ADARB1: variants seen among roughly 807,000 people sequenced by gnomAD.
ADARB1 encodes adenosine deaminase RNA specific B1.
In ADARB1, 10 loss-of-function variants were observed where a neutral mutation model predicts 52.4. The observed-to-expected ratio is 0.19, with a 90% CI of 0.12 to 0.32. The LOEUF is 0.32. ADARB1 is among the 10% of genes least tolerant of loss of function. ADARB1 has a pLI of 1.00. For missense variants in ADARB1, 643 were observed against 922.3 expected (o/e 0.70, Z 3.92); for synonymous variants, 349 against 371.1 (o/e 0.94, Z 0.68).
intron 2 of ADARB1, chr21:45,144,532 C>T (rs994335634): frequency 2.6e-5 from 9 of 343,060 alleles, no homozygotes; most frequent in African/African-American, 1.9e-4. Flanking sequence ...TCATAGAAAC[C>T]ATACCTGATA....
chr21:45,097,908 A>T (rs1304266992), intron 1 of ADARB1, among the ~76,000 whole-genome samples: 2 of 152,112 alleles, frequency 1.3e-5, no homozygotes, highest in Non-Finnish European at 2.9e-5. Context: ...CTCCCCACTG[A>T]TGTCACACAG....
chr21:45,134,637 A>G (rs1421333454), intron 2 of ADARB1: 7 of 415,274 alleles, frequency 1.7e-5, no homozygotes, highest in African/African-American at 1.5e-4. Context: ...AATCCTACAG[A>G]TCCCTATGGA....
At chr21:45,122,980 T>G (rs1469644725) in intron 1 of ADARB1, among the ~76,000 whole-genome samples, 12 of 152,208 alleles carry the variant, frequency 7.9e-5, no homozygotes, top group Non-Finnish European at 1.5e-4. Flanking sequence ...TTGTTTCATA[T>G]GGTTGATCAT....
intron 9 of ADARB1, among the ~76,000 whole-genome samples, chr21:45,215,231 A>G (rs2092838852): frequency 6.6e-6 from 1 of 152,070 alleles, no homozygotes. Flanking sequence ...AATTTTTTAT[A>G]GAGACAATGT....
intron 8 of ADARB1, among the ~76,000 whole-genome samples, chr21:45,196,121 A>G (rs2092419378): frequency 6.6e-6 from 1 of 152,158 alleles, no homozygotes; most frequent in Non-Finnish European, 1.5e-5. Context: ...TCAAATTTAT[A>G]CCTAAATATT....
At chr21:45,196,486 G>A (rs996808838) in intron 8 of ADARB1, among the ~76,000 whole-genome samples, 4 of 152,000 alleles carry the variant, frequency 2.6e-5, no homozygotes, top group African/African-American at 9.7e-5. Context: ...TCCATAAAAG[G>A]AAAAAAACTG....
intron 4 of ADARB1, among the ~76,000 whole-genome samples, chr21:45,179,689 G>A (rs145414729): frequency 1.3e-3 from 194 of 152,222 alleles, no homozygotes; most frequent in African/African-American, 4.5e-3. Flanking sequence ...CTATCGTACC[G>A]TCTGGGCGAG....
At chr21:45,195,145 C>G (rs149459503) in intron 8 of ADARB1, among the ~76,000 whole-genome samples, 29 of 152,294 alleles carry the variant, frequency 1.9e-4, no homozygotes, top group African/African-American at 6.5e-4. Context: ...TTGCAGATTC[C>G]TAATGACATA....
chr21:45,134,707 TACA>T, intron 2 of ADARB1: 1 of 460,862 alleles, frequency 2.2e-6, no homozygotes, highest in Admixed American at 2.6e-5. Context: ...TTTTTTTTTT[TACA>T]CAAGATGAAA....
rs1379743832 is a variant in ADARB1 at position 45,077,955 on chromosome 21, CTTCG to C, written c.-220+3164_-220+3167del. Among the ~76,000 whole-genome samples, 3 of 152,260 alleles carry C rather than the reference CTTCG, an allele frequency of 2.0e-5. No homozygotes were observed. The South Asian group carries it at 6.2e-4, about 32-fold the overall frequency. Reference sequence around the variant, plus strand: ...GGACAGCGCAGTAGCCCACAGAGGTCTTCGTGGCAGGGCTTACCGCACCTTCCAT... The same window carrying C: ...GGACAGCGCAGTAGCCCACAGAGGTCTGGCAGGGCTTACCGCACCTTCCAT... On this transcript the variant is annotated intron_variant, in intron 1 of 10. Coordinates refer to ENST00000348831, the MANE Select transcript of ADARB1 (RefSeq NM_001112.4).
chr21:45,124,923 G>T (rs371900531), intron 1 of ADARB1, among the ~76,000 whole-genome samples: 1 of 151,758 alleles, frequency 6.6e-6, no homozygotes, highest in Non-Finnish European at 1.5e-5. Flanking sequence ...CTCAGCCTCC[G>T]AAGTAGCTGG....
In ADARB1 at chr21:45,158,150, G is replaced by T. The variant is rs1008818695; in HGVS notation, c.-47-13460G>T. On this transcript the variant is annotated intron_variant, in intron 2 of 10. Transcript: ENST00000348831. The stretch of plus-strand genomic sequence containing the variant: ...CAATTATGCAGGAGAGGAGGCGGAA[G>T]GGCCCAGCCTGGCCCTGTCTGGCCA... Among the ~76,000 whole-genome samples, 5 of 152,330 alleles carry T rather than the reference G, an allele frequency of 3.3e-5. No homozygotes were observed. The East Asian group carries it at 9.7e-4, about 29-fold the overall frequency.
chr21:45,157,473 C>G lies in ADARB1; in HGVS notation c.-47-14137C>G, dbSNP rs1333902239. Among the ~76,000 whole-genome samples the G allele has an allele frequency of 6.6e-6, 1 of 151,720 alleles. No individual in the cohort carries two copies. Among genetic ancestry groups the G allele is most frequent in the Non-Finnish European group, 1.5e-5 (1 of 68,010 alleles). ...TTCAAATGCATTGCTGCTGCGTTTG[C>G]ACTGTGAAGGACGGAGCAACTTCAC... On this transcript the variant is annotated intron_variant, in intron 2 of 10. Coordinates refer to ENST00000348831, the MANE Select transcript of ADARB1 (RefSeq NM_001112.4). This position sits in a 1 kb window ranked among gnomAD's most constrained non-coding sequence, Gnocchi z 4.1.
At chr21:45,202,188 CACAG>C (rs1357976491) in intron 8 of ADARB1, among the ~76,000 whole-genome samples, 1 of 152,140 alleles carries the variant, frequency 6.6e-6, no homozygotes, top group Non-Finnish European at 1.5e-5. Flanking sequence ...GGCGTCATGA[CACAG>C]GCAGGGGGGC....
intron 1 of ADARB1, among the ~76,000 whole-genome samples, chr21:45,081,333 A>G (rs2086141913): frequency 6.6e-6 from 1 of 152,228 alleles, no homozygotes; most frequent in South Asian, 2.1e-4. Flanking sequence ...TGATGGTTCC[A>G]GTAACAATTT....
At chr21:45,160,249 A>G (rs1316741316) in intron 2 of ADARB1, among the ~76,000 whole-genome samples, 2 of 152,144 alleles carry the variant, frequency 1.3e-5, no homozygotes, top group African/African-American at 2.4e-5. Flanking sequence ...AACCTCCATC[A>G]TTTTCACAGA....
intron 8 of ADARB1, among the ~76,000 whole-genome samples, chr21:45,195,948 G>T (rs2092415371): frequency 6.6e-6 from 1 of 152,092 alleles, no homozygotes; most frequent in African/African-American, 2.4e-5. Flanking sequence ...AAAATAACTT[G>T]TTGAAATATT....
chr21:45,225,371 A>G lies in ADARB1; in HGVS notation c.*3174A>G. On this transcript the variant is annotated 3_prime_UTR_variant, in exon 11 of 11. Transcript: ENST00000348831. ...ATTTAACTTTTCATCATCTTTTCCT[A>G]TTTTGGAGAATTTTTTGTAATTAAA... 1.6e-6 allele frequency: 2 copies of G among 1,251,400 alleles called. No individual in the cohort carries two copies. The highest frequency in any genetic ancestry group is 7.6e-5 in the Admixed American group (2 of 26,344). The allele number at this position is 1,251,400 out of a possible 1,614,324, so 77.5% of individuals were successfully genotyped here.
At chr21:45,179,990 G>C (rs1371486925) in intron 4 of ADARB1, among the ~76,000 whole-genome samples, 1 of 152,200 alleles carries the variant, frequency 6.6e-6, no homozygotes, top group Admixed American at 6.5e-5. Flanking sequence ...GCCCTGAGCA[G>C]GCAGCTTTGC....
Sources: gnomAD v4.1 joint callset for allele counts (sites outside exome capture counted in the v4.1 genomes callset) on GRCh38, gnomAD v4.1.1 for gene constraint, Gnocchi (gnomAD v3.1) non-coding constraint, MANE v1.5 for transcripts, NCBI Gene and HGNC (gene_info 2026-07-23, HGNC 2026-07-21) for gene names.